Variants in CADPS2 observed in about 807,000 individuals in gnomAD.
CADPS2 encodes calcium-dependent secretion activator 2.
A neutral mutation model predicts 172.5 loss-of-function variants in CADPS2; 93 were observed. The observed-to-expected ratio is 0.54, with a 90% confidence interval of 0.46 to 0.64. CADPS2 has a LOEUF of 0.64. Among genes scored for constraint, CADPS2 ranks in the 30% least tolerant of loss-of-function variants. The probability of loss-of-function intolerance (pLI) is 0.00; values close to 1 mark genes in which losing one functional copy is unlikely to be tolerated. For missense variants in CADPS2, 1,420 were observed against 1,565.9 expected (o/e 0.91, Z 1.57); for synonymous variants, 546 against 555.2 (o/e 0.98, Z 0.23).
intron 27 of CADPS2, 24 bp from the exon 28 acceptor site, chr7:122,345,705 G>A (rs768847859): frequency 2.8e-6 from 4 of 1,409,626 alleles, no homozygotes; most frequent in Middle Eastern, 1.8e-4. Flanking sequence ...AAAGCAGGGG[G>A]AACAAAATAA....
chr7:122,702,445 C>G, intron 2 of CADPS2: 6 of 1,613,762 alleles, frequency 3.7e-6, no homozygotes, highest in Non-Finnish European at 5.1e-6. Flanking sequence ...CGATGAGGGC[C>G]AGCCATGAGT....
chr7:122,569,370 G>C (rs975219963), intron 7 of CADPS2, among the ~76,000 whole-genome samples: 4 of 151,686 alleles, frequency 2.6e-5, no homozygotes, highest in East Asian at 1.9e-4. Context: ...CACTGCTCAA[G>C]GAAATAAAAG....
In CADPS2 at chr7:122,462,080, T is replaced by A. The variant is rs565933179; in HGVS notation, c.2186+9295A>T. Among the ~76,000 whole-genome samples the A allele has an allele frequency of 2.7e-4, 41 of 152,196 alleles. 1 individual carries two copies. The highest frequency in any genetic ancestry group is 5.3e-4 in the Non-Finnish European group (36 of 67,998). ...GTATAAGAGTCCATTTATAGGAAAG[T>A]CCAAAGAACATTCTTCAGAAAAAAG... On this transcript the variant is annotated intron_variant, in intron 14 of 29. Transcript: ENST00000449022.
At chr7:122,554,498 A>G in intron 8 of CADPS2, 52 bp downstream of exon 8, 1 of 1,515,844 alleles carries the variant, frequency 6.6e-7, no homozygotes, top group Non-Finnish European at 8.9e-7. Context: ...AAAATAATAC[A>G]CTGAAATGAA....
At chr7:122,365,231 G>C (rs144760388) in intron 25 of CADPS2, among the ~76,000 whole-genome samples, 69 of 152,258 alleles carry the variant, frequency 4.5e-4, no homozygotes, top group African/African-American at 1.4e-3. Flanking sequence ...AAAAGTAGTG[G>C]AGAGTCTTTC....
In CADPS2 at chr7:122,367,544, T is replaced by G. The variant is rs1272884100; in HGVS notation, c.3388-6531A>C. On this transcript the variant is annotated intron_variant, in intron 25 of 29. Coordinates refer to ENST00000449022, the MANE Select transcript of CADPS2 (RefSeq NM_017954.11). ...ATATTCTAAACCTTCCCCCAGTTTT[T>G]TTTTTTTTTTTTTTTTTTTTAAGAC... Among the ~76,000 whole-genome samples, 277 of 63,290 alleles carry G rather than the reference T, an allele frequency of 4.4e-3. 2 individuals carry two copies. Among genetic ancestry groups the G allele is most frequent in the African/African-American group, 0.012 (266 of 21,304 alleles). 41.5% of individuals were successfully genotyped at this position (63,290 alleles called of 152,430 possible).
chr7:122,347,921 G>T (rs1052689236), intron 27 of CADPS2, among the ~76,000 whole-genome samples: 6 of 152,190 alleles, frequency 3.9e-5, no homozygotes, highest in African/African-American at 1.4e-4. Context: ...TGCTGCTGCA[G>T]AACGAAAGTG....
At chr7:122,710,096 T>G (rs1158808597) in intron 2 of CADPS2, among the ~76,000 whole-genome samples, 1 of 99,322 alleles carries the variant, frequency 1.0e-5, no homozygotes. Flanking sequence ...AAAAAAAAAA[T>G]CTTCCTAAGC....
At chr7:122,722,755 CA>C (rs2090596930) in intron 2 of CADPS2, among the ~76,000 whole-genome samples, 1 of 147,642 alleles carries the variant, frequency 6.8e-6, no homozygotes, top group African/African-American at 2.5e-5. Context: ...AAGCTGGAGG[CA>C]TCATGCTACC....
rs148751556 is a variant in CADPS2, at chr7:122,871,250, A to C, written c.339+14749T>G. Among the ~76,000 whole-genome samples the C allele has an allele frequency of 2.1e-3, 317 of 152,016 alleles. 1 individual carries two copies. The highest frequency in any genetic ancestry group is 7.0e-3 in the African/African-American group (292 of 41,520). On this transcript the variant is annotated intron_variant, in intron 1 of 29. Transcript: ENST00000449022. Reference sequence around the variant, plus strand: ...GACTTATGTATTCCAGCATTTTCACATGTTGAGTTTTCTCTTTTCATTCTC... The same window carrying C: ...GACTTATGTATTCCAGCATTTTCACCTGTTGAGTTTTCTCTTTTCATTCTC...
At chr7:122,669,027 G>A (rs1352872070) in intron 2 of CADPS2, among the ~76,000 whole-genome samples, 1 of 152,122 alleles carries the variant, frequency 6.6e-6, no homozygotes, top group Non-Finnish European at 1.5e-5. Context: ...GTCCTTTAGT[G>A]AGAGCTTAAT....
At chr7:122,324,261 A>T (rs1014017332) in intron 29 of CADPS2, among the ~76,000 whole-genome samples, 1 of 152,086 alleles carries the variant, frequency 6.6e-6, no homozygotes, top group Non-Finnish European at 1.5e-5. Context: ...CTGACTTTGG[A>T]ACAGAACTTT....
At chr7:122,535,501 A>G (rs2062171771) in intron 8 of CADPS2, among the ~76,000 whole-genome samples, 1 of 152,054 alleles carries the variant, frequency 6.6e-6, no homozygotes, top group East Asian at 1.9e-4. Context: ...CTAAAAAGGT[A>G]ATAGTATACC....
At chr7:122,407,454 T>C (rs1185109666) in intron 20 of CADPS2, 86 bp downstream of exon 20, 2 of 1,385,900 alleles carry the variant, frequency 1.4e-6, no homozygotes, top group East Asian at 2.4e-5. Context: ...GTCAGGCCGG[T>C]GTGAGGGCAC....
chr7:122,681,282 AAAAG>A, intron 2 of CADPS2: 1 of 885,488 alleles, frequency 1.1e-6, no homozygotes, highest in Non-Finnish European at 1.9e-6. Context: ...GTATAATAAT[AAAAG>A]AAAGAGCTCT....
chr7:122,649,992 C>T (rs1180139009), intron 3 of CADPS2, among the ~76,000 whole-genome samples: 1 of 138,426 alleles, frequency 7.2e-6, no homozygotes, highest in East Asian at 2.3e-4. Context: ...TCACTGCAAC[C>T]TCTGCCTCTT....
At chr7:122,417,784 C>T (rs566388282) in intron 17 of CADPS2, among the ~76,000 whole-genome samples, 2 of 152,160 alleles carry the variant, frequency 1.3e-5, no homozygotes, top group South Asian at 2.1e-4. Context: ...GGGGAGACAT[C>T]GGGGGAAGGT....
chr7:122,427,370 A>T (rs951357958), intron 17 of CADPS2: 1 of 152,176 alleles, frequency 6.6e-6, no homozygotes, highest in Non-Finnish European at 1.5e-5. Flanking sequence ...TAACTCAGAT[A>T]CTAGACAAAC....
intron 1 of CADPS2, among the ~76,000 whole-genome samples, chr7:122,768,822 G>C (rs1364920918): frequency 6.6e-6 from 1 of 152,098 alleles, no homozygotes; most frequent in Admixed American, 6.6e-5. Context: ...AGCCACAAGA[G>C]AGCATGGAAG....
Sources: gnomAD v4.1 joint callset for allele counts (sites outside exome capture counted in the v4.1 genomes callset) on GRCh38, gnomAD v4.1.1 for gene constraint, MANE v1.5 for transcripts, NCBI Gene and HGNC (gene_info 2026-07-23, HGNC 2026-07-21) for gene names.